The following SCN9A variants were observed in gnomAD, a reference collection of about 807,000 sequenced individuals.
SCN9A encodes sodium channel protein type 9 subunit alpha.
SCN9A carries 131 observed loss-of-function variants against 187.0 expected under a neutral mutation model. The ratio of observed to expected loss-of-function variants is 0.70; its 90% CI spans 0.61 to 0.81. The LOEUF (loss-of-function observed/expected upper bound fraction) is 0.81, where lower values mean the gene tolerates loss of function less well. Among genes scored for constraint, SCN9A ranks in the 30% least tolerant of loss-of-function variants. The pLI is 0.00. For synonymous variants in SCN9A, 809 were observed against 808.6 expected, an observed-to-expected ratio of 1.00 and a Z score of -0.01; for missense variants, 2,252 against 2,396.6, an observed-to-expected ratio of 0.94 and a Z score of 1.26.
chr2:166,253,501 T>C (rs1283111432), intron 17 of SCN9A, among the ~76,000 whole-genome samples: 1 of 151,842 alleles, frequency 6.6e-6, no homozygotes, highest in Non-Finnish European at 1.5e-5. Flanking sequence ...GAATAGGCTT[T>C]AAAGTATAAA....
rs545179157 is a variant in SCN9A, at chr2:166,218,409, T to A, written c.4398+8158A>T. ...ATGTACCCTAGAACTTAAAGTAAAA[T>A]AAAAAAATAAATAAATAAAAAATAA... On this transcript the variant is annotated intron_variant, in intron 24 of 26. Coordinates refer to ENST00000642356, the MANE Select transcript of SCN9A (RefSeq NM_001365536.1). Among the ~76,000 whole-genome samples the A allele has an allele frequency of 2.0e-5, 3 of 149,140 alleles. No individual in the cohort carries two copies. In the South Asian group the frequency reaches 6.3e-4, roughly 31 times the overall value.
chr2:166,280,856 A>G (rs1186441557), intron 13 of SCN9A, among the ~76,000 whole-genome samples: 1 of 152,204 alleles, frequency 6.6e-6, no homozygotes, highest in Non-Finnish European at 1.5e-5. Flanking sequence ...TCAGAGAAAA[A>G]TGCACCTAAC....
At chr2:166,357,529 C>G (rs951932763) in intron 1 of SCN9A, among the ~76,000 whole-genome samples, 2 of 151,996 alleles carry the variant, frequency 1.3e-5, no homozygotes, top group Non-Finnish European at 2.9e-5. Context: ...TAAATGACAC[C>G]CCCACCAGTG....
intron 1 of SCN9A, among the ~76,000 whole-genome samples, chr2:166,366,743 G>A (rs955066079): frequency 6.6e-6 from 1 of 152,040 alleles, no homozygotes; most frequent in African/African-American, 2.4e-5. Context: ...TAGTCTAGAG[G>A]ATAAGCTACC....
intron 24 of SCN9A, among the ~76,000 whole-genome samples, chr2:166,218,038 G>T (rs1356694192): frequency 1.3e-5 from 2 of 151,808 alleles, no homozygotes; most frequent in African/African-American, 4.8e-5. Context: ...GGCCAAAACC[G>T]CAATTACTTT....
At chr2:166,202,087 C>T (rs1031509125) in intron 26 of SCN9A, among the ~76,000 whole-genome samples, 14 of 151,558 alleles carry the variant, frequency 9.2e-5, no homozygotes, top group African/African-American at 3.4e-4. Context: ...GATCCTTTCT[C>T]GGCCTTAACT....
intron 1 of SCN9A, among the ~76,000 whole-genome samples, chr2:166,373,025 CA>C (rs1171675215): frequency 1.3e-5 from 2 of 151,964 alleles, no homozygotes; most frequent in African/African-American, 2.4e-5. Flanking sequence ...CTTTCCAAAA[CA>C]AAAAAACCTC....
rs372210358 is a variant in SCN9A at position 166,199,392 on chromosome 2, C to G, written c.5247G>C (p.Leu1749=). 7 of 1,614,050 alleles carry G rather than the reference C, an allele frequency of 4.3e-6. No individual in the cohort carries two copies. The African/African-American group carries it at 9.3e-5, about 22-fold the overall frequency. ...YFVSYIIISF[L]VVVNMYIAVI... ...CTGCAATGTACATGTTCACCACAAC[C>G]AGGAAGGATATGATGATATAACTAA... Residue 1749 remains leucine, a synonymous_variant, in exon 27 of 27, where the codon CTG becomes CTC. Transcript: ENST00000642356.
intron 1 of SCN9A, among the ~76,000 whole-genome samples, chr2:166,341,147 C>T (rs1036692158): frequency 6.6e-6 from 1 of 152,138 alleles, no homozygotes; most frequent in African/African-American, 2.4e-5. Flanking sequence ...AAATAAGATG[C>T]TTTTAACTAT....
At chr2:166,305,341 G>A (rs1407220802) in intron 5 of SCN9A, among the ~76,000 whole-genome samples, 1 of 151,926 alleles carries the variant, frequency 6.6e-6, no homozygotes, top group Non-Finnish European at 1.5e-5. Flanking sequence ...GGCTTAGTAA[G>A]CAGTGACAGC....
At position 166,278,403 on chromosome 2, in the gene SCN9A, G is replaced by A. The variant is rs1697333351; in HGVS notation, c.2344-90C>T. On this transcript the variant is annotated intron_variant, in intron 14 of 26. Transcript: ENST00000642356. ...AATCACTGTTTGCTTAGCATTTACT[G>A]TGTTCCAGACAGTTTGCTAAATACT... is the stretch of plus-strand genomic sequence containing the variant. 6 of 1,125,682 alleles carry A rather than the reference G, an allele frequency of 5.3e-6. No individual in the cohort carries two copies. In the South Asian group the frequency reaches 9.1e-5, roughly 17 times the overall value. 69.7% of individuals were successfully genotyped at this position (1,125,682 alleles called of 1,614,324 possible).
chr2:166,284,847 G>A lies in SCN9A; in HGVS notation c.1603-23C>T, dbSNP rs199929103. On this transcript the variant is annotated intron_variant, in intron 11 of 26. Transcript: ENST00000642356. ...TGACTGCAGAAAAATTAAAAAAAAC[G>A]TGGTTGCTGAAGCACCTACTGATAG... 2.7e-5 allele frequency: 43 copies of A among 1,564,334 alleles called. 1 individual carries two copies. Among genetic ancestry groups the A allele is most frequent in the Middle Eastern group, 1.7e-4 (1 of 5,944 alleles).
intron 1 of SCN9A, among the ~76,000 whole-genome samples, chr2:166,372,681 A>G (rs112995109): frequency 0.011 from 1,723 of 152,326 alleles, 12 homozygotes; most frequent in South Asian, 0.015. Flanking sequence ...TCAATATCAT[A>G]CCATGATATT....
At chr2:166,339,989 G>A (rs16851931) in intron 1 of SCN9A, among the ~76,000 whole-genome samples, 35,187 of 151,980 alleles carry the variant, frequency 0.23, 4,638 homozygotes, top group African/African-American at 0.36. Flanking sequence ...TATTTCACTG[G>A]TGAGGAAGTT....
intron 24 of SCN9A, among the ~76,000 whole-genome samples, chr2:166,222,972 A>AAAAAG (rs1694683935): frequency 7.5e-6 from 1 of 133,344 alleles, no homozygotes; most frequent in Non-Finnish European, 1.6e-5. Flanking sequence ...AAAAAAAAAA[A>AAAAAG]CAGCAACAAA....
chr2:166,370,226 A>ATC (rs1553507717), intron 1 of SCN9A, among the ~76,000 whole-genome samples: 2,732 of 131,466 alleles, frequency 0.021, 29 homozygotes, highest in Middle Eastern at 0.034. Context: ...TAATAATAAT[A>ATC]ATAATAATAA....
intron 1 of SCN9A, among the ~76,000 whole-genome samples, chr2:166,354,819 T>C (rs1177805796): frequency 1.3e-5 from 2 of 152,218 alleles, no homozygotes; most frequent in Non-Finnish European, 2.9e-5. Flanking sequence ...AAGTTGCACA[T>C]GTGACTAATT....
chr2:166,259,862 G>T (rs1696433297), intron 17 of SCN9A, among the ~76,000 whole-genome samples: 1 of 151,658 alleles, frequency 6.6e-6, no homozygotes, highest in African/African-American at 2.4e-5. Context: ...AAGATGGAAA[G>T]ATTTTTCAAA....
At chr2:166,291,552 T>C (rs1277646002) in intron 9 of SCN9A, among the ~76,000 whole-genome samples, 1 of 152,180 alleles carries the variant, frequency 6.6e-6, no homozygotes, top group African/African-American at 2.4e-5. Context: ...ATTGACATCT[T>C]CACAGAATTA....
Sources: allele counts gnomAD v4.1 joint callset (sites outside exome capture counted in the v4.1 genomes callset), GRCh38; gene constraint gnomAD v4.1.1; transcripts MANE v1.5; gene names NCBI Gene and HGNC (gene_info 2026-07-23, HGNC 2026-07-21).